The following PAK2 variants were observed in gnomAD, a reference collection of about 807,000 sequenced individuals.
PAK2 encodes the protein serine/threonine-protein kinase PAK 2.
Under a neutral mutation model 65.9 loss-of-function variants are expected in PAK2, and 21 were observed. The ratio of observed to expected loss-of-function variants is 0.32; its 90% CI spans 0.23 to 0.46. The LOEUF (loss-of-function observed/expected upper bound fraction) is 0.46, where lower values mean the gene tolerates loss of function less well. Ranked by LOEUF, PAK2 falls within the 20% of genes least tolerant of loss-of-function variation. The pLI is 1.00. For synonymous variants in PAK2, 204 were observed against 219.7 expected, an observed-to-expected ratio of 0.93 and a Z score of 0.63; for missense variants, 324 against 642.6, an observed-to-expected ratio of 0.50 and a Z score of 5.36.
chr3:196,766,780 G>A (rs1308527470), intron 1 of PAK2, among the ~76,000 whole-genome samples: 2 of 145,850 alleles, frequency 1.4e-5, no homozygotes, highest in African/African-American at 5.1e-5. Flanking sequence ...GGTGATGGAT[G>A]TCTTAATTTG....
intron 1 of PAK2, among the ~76,000 whole-genome samples, chr3:196,743,034 A>C (rs900067918): frequency 6.6e-6 from 1 of 152,202 alleles, no homozygotes; most frequent in Non-Finnish European, 1.5e-5. Context: ...GGAGGGTGTT[A>C]ATTGCAAATT....
intron 13 of PAK2, among the ~76,000 whole-genome samples, chr3:196,823,949 T>C (rs1711740117): frequency 6.6e-6 from 1 of 152,018 alleles, no homozygotes; most frequent in African/African-American, 2.4e-5. Context: ...ACTATGAATC[T>C]ACCGAGATTG....
Position 196,820,410 on chromosome 3 carries a change from G to A in PAK2, c.1193G>A (p.Ser398Asn), listed in dbSNP as rs1222507403. 5.0e-6 allele frequency: 8 copies of A among 1,611,312 alleles called. No individual in the cohort carries two copies. In the Admixed American group the frequency reaches 1.2e-4, roughly 24 times the overall value. The change falls in exon 13 of 15, where the codon AGC becomes AAC. Residue 398 changes from serine to asparagine, a missense_variant. Physicochemically the swap from Ser to Asn is conservative, Grantham distance 46. This residue lies in a region of PAK2 where 36 missense variants were observed against 161.5 expected (regional missense o/e 0.22). Coordinates refer to ENST00000327134, the MANE Select transcript of PAK2 (RefSeq NM_002577.4). The surrounding 1 kb of genome is among the most constrained non-coding windows in gnomAD (Gnocchi z 4.6). ...GFCAQITPEQ[S>N]KRSTMVGTPY... ...TGTGCCCAGATCACCCCTGAGCAGA[G>A]CAAACGCAGTACCATGGTCGGAACG...
intron 1 of PAK2, among the ~76,000 whole-genome samples, chr3:196,769,433 T>C (rs2461514): frequency 0.54 from 81,791 of 151,774 alleles, 22,708 homozygotes; most frequent in Non-Finnish European, 0.6. Flanking sequence ...TTTAGGTGTA[T>C]AATTTGGTGG....
chr3:196,813,935 C>G (rs1715909934), intron 10 of PAK2, among the ~76,000 whole-genome samples: 1 of 152,098 alleles, frequency 6.6e-6, no homozygotes, highest in South Asian at 2.1e-4. Context: ...GGCAACAGAG[C>G]AAGACTCTGT....
rs557924525 is a variant in PAK2, at chr3:196,791,816, C to G, written c.187+8983C>G. On this transcript the variant is annotated intron_variant, in intron 2 of 14. Transcript: ENST00000327134. The surrounding 1 kb of genome is among the most constrained non-coding windows in gnomAD (Gnocchi z 4.0). ...GCGGGCCCCTGTAGTCCCAGCTACT[C>G]GGGAGGCTGAGGCAGGAGAATGGCG... 6.6e-6 allele frequency among the ~76,000 whole-genome samples: 1 copy of G among 151,394 alleles called. No individual in the cohort carries two copies. The highest frequency in any genetic ancestry group is 2.4e-5 in the African/African-American group (1 of 41,158).
At chr3:196,827,381 TA>T (rs1251284321) in intron 14 of PAK2, 48 bp downstream of exon 14, 1 of 1,576,556 alleles carries the variant, frequency 6.3e-7, no homozygotes, top group Non-Finnish European at 8.6e-7. Flanking sequence ...ACTTTTTTGG[TA>T]ACCGACAGAA....
At position 196,831,163 on chromosome 3, in the gene PAK2, C is replaced by G. The variant is rs796294461; in HGVS notation, c.*2758C>G. On this transcript the variant is annotated 3_prime_UTR_variant, in exon 15 of 15. Transcript: ENST00000327134. ...TTGGCCTCCCAAAGTGCTGCAGTTA[C>G]AGGCGTGAGCCACTGCACCTGGCCT... The G allele has an allele frequency of 1.8e-4, 27 of 152,350 alleles. No individual in the cohort carries two copies. The highest frequency in any genetic ancestry group is 6.5e-4 in the African/African-American group (27 of 41,574). 9.4% of individuals were successfully genotyped at this position (152,350 alleles called of 1,614,324 possible).
At chr3:196,776,730 A>G (rs1714549757) in intron 1 of PAK2, among the ~76,000 whole-genome samples, 1 of 152,258 alleles carries the variant, frequency 6.6e-6, no homozygotes, top group Non-Finnish European at 1.5e-5. Context: ...AAACCAATTC[A>G]TGACATTGTA....
chr3:196,814,708 C>T (rs1715936321), intron 11 of PAK2, 140 bp downstream of exon 11: 1 of 612,074 alleles, frequency 1.6e-6, no homozygotes, highest in Non-Finnish European at 2.9e-6. Context: ...ACTCCATCTC[C>T]GTGCCATTTC....
chr3:196,754,307 T>C (rs1041498758), intron 1 of PAK2, among the ~76,000 whole-genome samples: 1 of 152,220 alleles, frequency 6.6e-6, no homozygotes, highest in Non-Finnish European at 1.5e-5. Flanking sequence ...CTGGATTTCT[T>C]ACTGCCTACT....
rs527428384 is a variant in PAK2 at position 196,804,135 on chromosome 3, A to G, written c.436+971A>G. On this transcript the variant is annotated intron_variant, in intron 4 of 14. Coordinates refer to ENST00000327134, the MANE Select transcript of PAK2 (RefSeq NM_002577.4). ...AATATGTTTGTCTGTCTCTGAAGTC[A>G]TACATGTGGTTTTCAAAAGCAATAT... is the stretch of plus-strand genomic sequence containing the variant. Among the ~76,000 whole-genome samples, 20 of 152,322 alleles carry G rather than the reference A, an allele frequency of 1.3e-4. No homozygotes were observed. The South Asian group carries it at 3.5e-3, about 27-fold the overall frequency.
intron 1 of PAK2, among the ~76,000 whole-genome samples, chr3:196,742,800 C>T (rs1356453492): frequency 6.6e-6 from 1 of 152,198 alleles, no homozygotes; most frequent in Non-Finnish European, 1.5e-5. Flanking sequence ...GCCTGTAGTC[C>T]CAGCTACTCG....
At chr3:196,823,239 T>C (rs995745663) in intron 13 of PAK2, among the ~76,000 whole-genome samples, 6 of 152,084 alleles carry the variant, frequency 3.9e-5, no homozygotes, top group Non-Finnish European at 8.8e-5. Flanking sequence ...AGTCTGGATG[T>C]ATTTTGAAAG....
At chr3:196,811,271 T>TTCCTTCCCTTCCCTCCCTTCCC (rs1715796692) in intron 8 of PAK2, among the ~76,000 whole-genome samples, 1 of 18,240 alleles carries the variant, frequency 5.5e-5, no homozygotes, top group Non-Finnish European at 1.0e-4. Context: ...CTTCCTTCCC[T>TTCCTTCCCTTCCCTCCCTTCCC]TCCCTCCCTT....
chr3:196,777,828 A>G (rs2108735461), intron 1 of PAK2, among the ~76,000 whole-genome samples: 1 of 152,366 alleles, frequency 6.6e-6, no homozygotes, highest in Non-Finnish European at 1.5e-5. Context: ...GATGATAACA[A>G]TTGCAGCAGC....
intron 11 of PAK2, among the ~76,000 whole-genome samples, chr3:196,815,643 T>C (rs536359304): frequency 1.9e-4 from 29 of 151,652 alleles, no homozygotes; most frequent in South Asian, 1.0e-3. Flanking sequence ...AAAAATTAGC[T>C]GGGTGTGGTG....
At chr3:196,757,798 C>T (rs1713818981) in intron 1 of PAK2, among the ~76,000 whole-genome samples, 1 of 152,198 alleles carries the variant, frequency 6.6e-6, no homozygotes, top group Non-Finnish European at 1.5e-5. Flanking sequence ...GCGATAAATA[C>T]CGAGAATACT....
At chr3:196,811,351 TTCCC>T (rs1429323336) in intron 8 of PAK2, among the ~76,000 whole-genome samples, 144 of 77,990 alleles carry the variant, frequency 1.8e-3, no homozygotes, top group Non-Finnish European at 2.6e-3. Flanking sequence ...CCTCCCTTCC[TTCCC>T]TCCCTTCCCT....
Sources: allele counts gnomAD v4.1 joint callset (sites outside exome capture counted in the v4.1 genomes callset), GRCh38; gene constraint gnomAD v4.1.1; regional missense constraint gnomAD v4.1.1; non-coding constraint Gnocchi (gnomAD v3.1); transcripts MANE v1.5; gene names NCBI Gene and HGNC (gene_info 2026-07-23, HGNC 2026-07-21).